The following IGSF22 variants were observed in gnomAD, a reference collection of about 807,000 sequenced individuals.
IGSF22 encodes the protein immunoglobulin superfamily member 22.
IGSF22 carries 119 observed loss-of-function variants against 127.0 expected under a neutral mutation model. The ratio of observed to expected loss-of-function variants is 0.94; its 90% CI spans 0.81 to 1.09. IGSF22 has a LOEUF of 1.09. Among genes scored for constraint, IGSF22 ranks in the 50% least tolerant of loss-of-function variants. The pLI, the probability that IGSF22 is intolerant of heterozygous loss-of-function variation, is 0.00. For missense variants in IGSF22, 1,518 were observed against 1,716.6 expected (o/e 0.88, Z 2.04); for synonymous variants, 568 against 664.7 (o/e 0.85, Z 2.24).
rs1437649625 is a variant in IGSF22, at chr11:18,714,765, G to A, written c.1532-141C>T. On this transcript the variant is annotated intron_variant, in intron 11 of 22. Transcript: ENST00000513874. ...ATAATTTATGATGAGCAGGCGGCTT[G>A]CCAATGTGGTCAATAGGTGATTAGG... 8 of 1,119,604 alleles carry A rather than the reference G, an allele frequency of 7.1e-6. No homozygotes were observed. In the Admixed American group the frequency reaches 1.8e-4, roughly 26 times the overall value. The allele number at this position is 1,119,604 out of a possible 1,614,324, so 69.4% of individuals were successfully genotyped here. A position where few individuals can be genotyped will look rare whatever the true frequency, so the allele number is the denominator to read the frequency against.
rs1848466926 is a variant in IGSF22, at chr11:18,716,584, G to C, written c.1246+144C>G. ...TACTAGACTAGGGGTTAACAGAGAG[G>C]AGATCCCCCTGTCTTTCCAGTACCT... On this transcript the variant is annotated intron_variant, in intron 10 of 22. Transcript: ENST00000513874. This position sits in a 1 kb window ranked among gnomAD's most constrained non-coding sequence, Gnocchi z 4.5. 1.3e-6 allele frequency: 1 copy of C among 765,080 alleles called. No homozygotes were observed. Among genetic ancestry groups the C allele is most frequent in the East Asian group, 2.5e-5 (1 of 39,318 alleles). 47.4% of individuals were successfully genotyped at this position (765,080 alleles called of 1,614,324 possible).
In IGSF22 at chr11:18,710,458, G is replaced by C; in HGVS notation, c.2573-3C>G. 6.2e-7 allele frequency: 1 copy of C among 1,614,018 alleles called. No homozygotes were observed. The highest frequency in any genetic ancestry group is 8.5e-7 in the Non-Finnish European group (1 of 1,180,024). The stretch of plus-strand genomic sequence containing the variant: ...ACCATCCACAGTGCACTTGGTGCCT[G>C]AAATGGGAAGATGAGGGGTCGTGAG... On this transcript the variant is annotated splice_region_variant and splice_polypyrimidine_tract_variant and intron_variant, in intron 16 of 22. Coordinates refer to ENST00000513874, the MANE Select transcript of IGSF22 (RefSeq NM_173588.4).
rs143134123 is a variant in IGSF22, at chr11:18,707,834, C to G, written c.3250G>C (p.Ala1084Pro). The change falls in exon 20 of 23, where the codon GCA becomes CCA. Residue 1084 changes from alanine (A) to proline (P), a missense_variant. Coordinates refer to ENST00000513874, the MANE Select transcript of IGSF22 (RefSeq NM_173588.4). ...ACGCGCACATGGATGTCATAGCGTGCTTCTCCAAACTCATTCTGAAGCAAG... is the reference window on the plus strand; with the variant it reads ...ACGCGCACATGGATGTCATAGCGTGGTTCTCCAAACTCATTCTGAAGCAAG... ...RILLQNEFGE[A>P]RYDIHVRVAD... 4 of 1,609,600 alleles carry G rather than the reference C, an allele frequency of 2.5e-6. No homozygotes were observed. Among genetic ancestry groups the G allele is most frequent in the Non-Finnish European group, 3.4e-6 (4 of 1,177,842 alleles).
Position 18,718,795 on chromosome 11 carries a change from C to T in IGSF22, c.697-67G>A, listed in dbSNP as rs1373177959. 7 of 929,104 alleles carry T rather than the reference C, an allele frequency of 7.5e-6. No individual in the cohort carries two copies. In the African/African-American group the frequency reaches 1.1e-4, roughly 15 times the overall value. The allele number at this position is 929,104 out of a possible 1,614,324, so 57.6% of individuals were successfully genotyped here. Reference sequence around the variant, plus strand: ...CCAAAGCCTGCCCAGACTGTGTCCTCAATCCTGGAGAAACTCTTAAGCATG... The same window carrying T: ...CCAAAGCCTGCCCAGACTGTGTCCTTAATCCTGGAGAAACTCTTAAGCATG... On this transcript the variant is annotated intron_variant, in intron 7 of 22. Transcript: ENST00000513874.
At chr11:18,719,355 C>T (rs12418660) in intron 7 of IGSF22, among the ~76,000 whole-genome samples, 2,865 of 149,866 alleles carry the variant, frequency 0.019, 132 homozygotes, top group East Asian at 0.13. Context: ...TTAGTAGAGA[C>T]AGGGTTTCAT....
chr11:18,725,850 A>T (rs554273752), intron 1 of IGSF22, among the ~76,000 whole-genome samples: 1 of 152,352 alleles, frequency 6.6e-6, no homozygotes, highest in South Asian at 2.1e-4. Context: ...ACTCCAGTCC[A>T]GTGGCGTCCC....
Position 18,709,375 on chromosome 11 carries a change from C to T in IGSF22, c.2998+12G>A. 3 of 1,612,050 alleles carry T rather than the reference C, an allele frequency of 1.9e-6. No homozygotes were observed. Among genetic ancestry groups the T allele is most frequent in the Non-Finnish European group, 2.5e-6 (3 of 1,178,916 alleles). On this transcript the variant is annotated intron_variant, in intron 18 of 22. Transcript: ENST00000513874. The surrounding 1 kb of genome is among the most constrained non-coding windows in gnomAD (Gnocchi z 4.8). ...GTTGGGCATGAATCCCCAGCCCTCT[C>T]TGTGTCCTCACCTGGTGGTGGCATG...
In IGSF22 at chr11:18,718,683, C is replaced by T. The variant is rs1262396272; in HGVS notation, c.742G>A (p.Asp248Asn). ...ATGCAGTCAAAGACCACTGTGGTGTCAACCTTGGTCTCTTTGTCTTCCAGG... is the reference window on the plus strand; with the variant it reads ...ATGCAGTCAAAGACCACTGTGGTGTTAACCTTGGTCTCTTTGTCTTCCAGG... ...KPLEDKETKV[D>N]TTVVFDCIME... The change falls in exon 8 of 23, where the codon GAC becomes AAC. Residue 248 changes from aspartate (D) to asparagine (N), a missense_variant. Coordinates refer to ENST00000513874, the MANE Select transcript of IGSF22 (RefSeq NM_173588.4). The T allele has an allele frequency of 6.2e-7, 1 of 1,613,704 alleles. No individual in the cohort carries two copies. Among genetic ancestry groups the T allele is most frequent in the Admixed American group, 1.7e-5 (1 of 60,022 alleles).
At position 18,717,955 on chromosome 11, in the gene IGSF22, T is replaced by G. The variant is rs181122519; in HGVS notation, c.949A>C (p.Met317Leu). ...IYSLSVGDKR[M>L]SAELTVLDEP... ...CCCAGCACTGTGAGCTCTGCACTCA[T>G]CCGCTTATCGCCCACGGACAGGCTG... The change falls in exon 9 of 23, where the codon ATG becomes CTG. Residue 317 changes from methionine to leucine, a missense_variant. Physicochemically the swap from Met to Leu is conservative, Grantham distance 15. Coordinates refer to ENST00000513874, the MANE Select transcript of IGSF22 (RefSeq NM_173588.4). 475 of 1,614,212 alleles carry G rather than the reference T, an allele frequency of 2.9e-4. 1 individual carries two copies. In the African/African-American group the frequency reaches 5.8e-3, roughly 20 times the overall value.
rs373963091 is a variant in IGSF22, at chr11:18,715,555, C to T, written c.1408G>A (p.Gly470Ser). 111 of 1,613,956 alleles carry T rather than the reference C, an allele frequency of 6.9e-5. No homozygotes were observed. Among genetic ancestry groups the T allele is most frequent in the Non-Finnish European group, 8.1e-5 (95 of 1,180,016 alleles). ...TCAATGATCAGCTCTGCTCGCTTGCCCTCATGGTTCATGCTGTACTTAGTG... is the reference window on the plus strand; with the variant it reads ...TCAATGATCAGCTCTGCTCGCTTGCTCTCATGGTTCATGCTGTACTTAGTG... ...HGTKYSMNHE[G>S]KRAELIIEDA... The change falls in exon 11 of 23, where the codon GGC becomes AGC. Residue 470 changes from glycine (G) to serine (S), a missense_variant. By Grantham distance (56) the Gly-to-Ser change is moderately conservative. Around this residue, in one of 3 missense-constraint regions of IGSF22, gnomAD observed 1,456 missense variants for 1,644.9 expected, o/e 0.89. Coordinates refer to ENST00000513874, the MANE Select transcript of IGSF22 (RefSeq NM_173588.4).
Position 18,706,144 on chromosome 11 carries a change from G to A in IGSF22, c.3583C>T (p.Gln1195Ter), listed in dbSNP as rs545384609. Reference protein sequence around the residue: ...DTWLINKDQIQDLSAKLKPYE... With the variant: ...DTWLINKDQI ...GGCTTGAGCTTGGCGCTCAGGTCCTGGACTGCGCGGGCGGGGCGGGGCAGG... is the reference window on the plus strand; with the variant it reads ...GGCTTGAGCTTGGCGCTCAGGTCCTAGACTGCGCGGGCGGGGCGGGGCAGG... The change falls in exon 22 of 23, where the codon CAG becomes TAG. Residue 1195 changes from glutamine to a stop codon, truncating the protein, a stop_gained and splice_region_variant. Coordinates refer to ENST00000513874, the MANE Select transcript of IGSF22 (RefSeq NM_173588.4). LOFTEE classifies it high-confidence loss of function. 9 of 1,535,464 alleles carry A rather than the reference G, an allele frequency of 5.9e-6. No homozygotes were observed. In the South Asian group the frequency reaches 1.1e-4, roughly 18 times the overall value.
At chr11:18,725,217 T>G (rs553263635) in intron 1 of IGSF22, among the ~76,000 whole-genome samples, 38 of 152,210 alleles carry the variant, frequency 2.5e-4, no homozygotes, top group Non-Finnish European at 4.4e-4. Context: ...AACCTCCTCC[T>G]CTCGAATTCA....
rs1482199963 is a variant in IGSF22, at chr11:18,706,088, C to T, written c.3639G>A (p.Pro1213=). Reference sequence around the variant, plus strand: ...GTGGCTTGAGGGGCGTCACGAAGCGCGGCGCGTGGCGCCAGTCCTTCTTCT... The same window carrying T: ...GTGGCTTGAGGGGCGTCACGAAGCGTGGCGCGTGGCGCCAGTCCTTCTTCT... ...PYEKKDWRHA[P]RFVTPLKPHT... Residue 1213 remains proline (P), a synonymous_variant, in exon 22 of 23, where the codon CCG becomes CCA. Transcript: ENST00000513874. The T allele has an allele frequency of 6.5e-7, 1 of 1,548,640 alleles. No homozygotes were observed. The highest frequency in any genetic ancestry group is 8.7e-7 in the Non-Finnish European group (1 of 1,146,838).
intron 18 of IGSF22, among the ~76,000 whole-genome samples, chr11:18,708,841 C>T (rs548380024): frequency 6.6e-6 from 1 of 152,342 alleles, no homozygotes; most frequent in South Asian, 2.1e-4. Context: ...CCAGAGATCA[C>T]AAGATTTGCA....
Position 18,721,962 on chromosome 11 carries a change from G to A in IGSF22, c.189C>T (p.Gly63=), listed in dbSNP as rs746923269. The change falls in exon 3 of 23, where the codon GGC becomes GGT. Residue 63 remains glycine, a synonymous_variant. Transcript: ENST00000513874. ...LVTRSSNIPA[G]DSVPEFVEKP... Reference sequence around the variant, plus strand: ...TCTCCACGAACTCAGGGACGCTGTCGCCCGCAGGGATGTTTGAGCTCCGGG... The same window carrying A: ...TCTCCACGAACTCAGGGACGCTGTCACCCGCAGGGATGTTTGAGCTCCGGG... 3.1e-6 allele frequency: 5 copies of A among 1,613,822 alleles called. No individual in the cohort carries two copies. The highest frequency in any genetic ancestry group is 4.2e-6 in the Non-Finnish European group (5 of 1,180,036).
In IGSF22 at chr11:18,721,528, C is replaced by T; in HGVS notation, c.378+7G>A. 1 of 1,614,226 alleles carries T rather than the reference C, an allele frequency of 6.2e-7. No homozygotes were observed. The highest frequency in any genetic ancestry group is 8.5e-7 in the Non-Finnish European group (1 of 1,180,034). The stretch of plus-strand genomic sequence containing the variant: ...TCGGTAACTGGACTTGGGCTTGGCC[C>T]CCGCACCTTCAGCACGTGTTCCTTG... On this transcript the variant is annotated splice_region_variant and intron_variant, in intron 4 of 22. Transcript: ENST00000513874.
chr11:18,709,773 A>T lies in IGSF22; in HGVS notation c.2702-90T>A. The T allele has an allele frequency of 7.7e-7, 1 of 1,299,394 alleles. No individual in the cohort carries two copies. Among genetic ancestry groups the T allele is most frequent in the Non-Finnish European group, 1.1e-6 (1 of 942,954 alleles). The allele number at this position is 1,299,394 out of a possible 1,614,324, so 80.5% of individuals were successfully genotyped here. On this transcript the variant is annotated intron_variant, in intron 17 of 22. Coordinates refer to ENST00000513874, the MANE Select transcript of IGSF22 (RefSeq NM_173588.4). This position sits in a 1 kb window ranked among gnomAD's most constrained non-coding sequence, Gnocchi z 4.8. ...CCCACACTCAATACTCCTGAACCCC[A>T]TCCTTCACTACTTCTAGCTCCAGAT...
In IGSF22 at chr11:18,721,735, T is replaced by A. The variant is rs1848577945; in HGVS notation, c.242-64A>T. On this transcript the variant is annotated intron_variant, in intron 3 of 22. Coordinates refer to ENST00000513874, the MANE Select transcript of IGSF22 (RefSeq NM_173588.4). Reference sequence around the variant, plus strand: ...CCAGGCTAGAGCCTCTGCCACCCTCTGCCGGCTCTCTGCCTCCTCCCAGAC... The same window carrying A: ...CCAGGCTAGAGCCTCTGCCACCCTCAGCCGGCTCTCTGCCTCCTCCCAGAC... 1.9e-6 allele frequency: 3 copies of A among 1,604,636 alleles called. No individual in the cohort carries two copies. In the South Asian group the frequency reaches 3.3e-5, roughly 18 times the overall value.
Position 18,710,735 on chromosome 11 carries a change from G to A in IGSF22, c.2492C>T (p.Ala831Val). 1.2e-6 allele frequency: 2 copies of A among 1,614,138 alleles called. No homozygotes were observed. The highest frequency in any genetic ancestry group is 1.1e-5 in the South Asian group (1 of 91,078). The change falls in exon 16 of 23, where the codon GCC becomes GTC. Residue 831 changes from alanine (A) to valine (V), a missense_variant. Around this residue, in one of 3 missense-constraint regions of IGSF22, gnomAD observed 1,456 missense variants for 1,644.9 expected, o/e 0.89. Coordinates refer to ENST00000513874, the MANE Select transcript of IGSF22 (RefSeq NM_173588.4). ...TTCTACAATGTAGCCGAGCACTGGG[G>A]CTCCCCCATCCTGGGTAGGGGCATT... ...TWNAPTQDGG[A>V]PVLGYIVERR... is the part of the protein sequence containing the mutation.
Sources: gnomAD v4.1 joint callset for allele counts (sites outside exome capture counted in the v4.1 genomes callset) on GRCh38, gnomAD v4.1.1 for gene constraint, gnomAD v4.1.1 regional missense constraint, Gnocchi (gnomAD v3.1) non-coding constraint, MANE v1.5 for transcripts, NCBI Gene and HGNC (gene_info 2026-07-23, HGNC 2026-07-21) for gene names.